CPQ: variants seen among roughly 807,000 people sequenced by gnomAD.
The protein encoded by CPQ is Ser-Met dipeptidase.
Under a neutral mutation model 45.7 loss-of-function variants are expected in CPQ, and 37 were observed. The ratio of observed to expected loss-of-function variants is 0.81; its 90% CI spans 0.62 to 1.07. The LOEUF (loss-of-function observed/expected upper bound fraction) is 1.07, where lower values mean the gene tolerates loss of function less well. Ranked by LOEUF, CPQ falls within the 50% of genes least tolerant of loss-of-function variation. The probability of loss-of-function intolerance (pLI) is 0.00; values close to 1 mark genes in which losing one functional copy is unlikely to be tolerated. For missense variants in CPQ, 537 were observed against 572.9 expected (o/e 0.94, Z 0.64); for synonymous variants, 186 against 205.8 (o/e 0.90, Z 0.82).
chr8:96,779,063 C>CAAAAA (rs561557208), intron 1 of CPQ, among the ~76,000 whole-genome samples: 5 of 57,014 alleles, frequency 8.8e-5, no homozygotes, highest in Admixed American at 3.8e-4. Context: ...ACTCCATCTC[C>CAAAAA]AAAAAAAAAA....
chr8:96,742,927 C>G (rs2130779945), intron 1 of CPQ, among the ~76,000 whole-genome samples: 1 of 152,182 alleles, frequency 6.6e-6, no homozygotes, highest in Middle Eastern at 3.4e-3. Flanking sequence ...TTCATTTCAA[C>G]TTTGGTGAAT....
chr8:96,648,443 A>C (rs549505981), intron 1 of CPQ, among the ~76,000 whole-genome samples: 1 of 152,306 alleles, frequency 6.6e-6, no homozygotes, highest in South Asian at 2.1e-4. Flanking sequence ...TGTTACAGTC[A>C]CATTATTAGT....
chr8:96,774,472 G>A (rs1380969541), intron 1 of CPQ, among the ~76,000 whole-genome samples: 1 of 152,136 alleles, frequency 6.6e-6, no homozygotes, highest in East Asian at 1.9e-4. Flanking sequence ...AAGGCAGTGA[G>A]ATGTGTGCAG....
At chr8:96,652,900 C>T (rs144067274) in intron 1 of CPQ, among the ~76,000 whole-genome samples, 1 of 152,204 alleles carries the variant, frequency 6.6e-6, no homozygotes, top group Non-Finnish European at 1.5e-5. Context: ...TCCCAAAGTA[C>T]TGGGATTACA....
At chr8:96,779,409 T>G (rs1372054785) in intron 1 of CPQ, among the ~76,000 whole-genome samples, 1 of 152,182 alleles carries the variant, frequency 6.6e-6, no homozygotes, top group East Asian at 1.9e-4. Flanking sequence ...GAGTTTCTAT[T>G]TCGTGTAAAT....
chr8:97,019,152 T>G (rs1246797935), intron 5 of CPQ, among the ~76,000 whole-genome samples: 1 of 152,140 alleles, frequency 6.6e-6, no homozygotes, highest in East Asian at 1.9e-4. Context: ...GAAAGAAAGA[T>G]ACAGCCTTTT....
chr8:96,742,585 T>G (rs959236647), intron 1 of CPQ, among the ~76,000 whole-genome samples: 17 of 152,296 alleles, frequency 1.1e-4, no homozygotes, highest in African/African-American at 4.1e-4. Context: ...GGTCTTTACA[T>G]TTTGGCATGA....
intron 2 of CPQ, among the ~76,000 whole-genome samples, chr8:96,810,588 A>G (rs1483808954): frequency 2.6e-5 from 4 of 152,246 alleles, no homozygotes; most frequent in Admixed American, 6.5e-5. Context: ...GTTCACACAC[A>G]TAAGTTATTA....
intron 5 of CPQ, among the ~76,000 whole-genome samples, chr8:96,972,468 TG>T (rs1212539493): frequency 2.0e-5 from 3 of 152,176 alleles, no homozygotes; most frequent in African/African-American, 7.2e-5. Context: ...GGGAGCTCTA[TG>T]GCCCTACCTA....
At chr8:96,806,718 A>G (rs1188667485) in intron 2 of CPQ, among the ~76,000 whole-genome samples, 2 of 152,236 alleles carry the variant, frequency 1.3e-5, no homozygotes, top group Admixed American at 1.3e-4. Context: ...ATGTATAGTG[A>G]AAGTATAAAT....
At chr8:97,019,880 C>G (rs776510464) in intron 5 of CPQ, among the ~76,000 whole-genome samples, 4 of 152,066 alleles carry the variant, frequency 2.6e-5, no homozygotes, top group Non-Finnish European at 5.9e-5. Context: ...ATAGACTTAA[C>G]AGATATTTAC....
At chr8:96,841,384 C>T (rs973876138) in intron 3 of CPQ, among the ~76,000 whole-genome samples, 13 of 152,124 alleles carry the variant, frequency 8.5e-5, no homozygotes, top group African/African-American at 3.1e-4. Flanking sequence ...CATGCGAGCT[C>T]AAGAATGCAA....
Position 97,005,167 on chromosome 8 carries a change from C to T in CPQ, c.962-24236C>T, listed in dbSNP as rs185801775. Reference sequence around the variant, plus strand: ...TGTGATCTCGGCTCACTGCAACCTCCGCCTCCCGGGTTCAAGCGGTTCTTC... The same window carrying T: ...TGTGATCTCGGCTCACTGCAACCTCTGCCTCCCGGGTTCAAGCGGTTCTTC... On this transcript the variant is annotated intron_variant, in intron 5 of 7. Coordinates refer to ENST00000220763, the MANE Select transcript of CPQ (RefSeq NM_016134.4). Among the ~76,000 whole-genome samples the T allele has an allele frequency of 4.8e-4, 73 of 150,810 alleles. 1 individual carries two copies. Among genetic ancestry groups the T allele is most frequent in the Admixed American group, 2.4e-3 (37 of 15,184 alleles).
At chr8:97,027,231 TTTA>T (rs1475105269) in intron 5 of CPQ, among the ~76,000 whole-genome samples, 1 of 152,136 alleles carries the variant, frequency 6.6e-6, no homozygotes. Context: ...CAGACAACAG[TTTA>T]TTAAGTTTGT....
intron 4 of CPQ, among the ~76,000 whole-genome samples, chr8:96,934,601 G>A (rs568705145): frequency 9.2e-4 from 140 of 152,230 alleles, no homozygotes; most frequent in African/African-American, 2.3e-3. Context: ...TAGTCTGTGC[G>A]ACCATTCATC....
At chr8:96,733,307 C>T (rs1426305332) in intron 1 of CPQ, among the ~76,000 whole-genome samples, 2 of 152,206 alleles carry the variant, frequency 1.3e-5, no homozygotes, top group Non-Finnish European at 2.9e-5. Flanking sequence ...AGATAAGACA[C>T]TGATGACATC....
At chr8:96,757,951 C>G (rs539247455) in intron 1 of CPQ, among the ~76,000 whole-genome samples, 2 of 152,210 alleles carry the variant, frequency 1.3e-5, no homozygotes, top group Non-Finnish European at 2.9e-5. Flanking sequence ...ACATTTTGCC[C>G]AGATTTAAAC....
At chr8:96,814,043 T>C (rs926497929) in intron 2 of CPQ, among the ~76,000 whole-genome samples, 2 of 152,042 alleles carry the variant, frequency 1.3e-5, no homozygotes, top group African/African-American at 4.8e-5. Context: ...CATATATATA[T>C]ATAGTTTCTT....
At chr8:96,706,334 T>C (rs553376393) in intron 1 of CPQ, among the ~76,000 whole-genome samples, 39 of 152,296 alleles carry the variant, frequency 2.6e-4, no homozygotes, top group Admixed American at 2.3e-3. Flanking sequence ...TTGCTTCTTA[T>C]ATTCCCTATA....
Sources: gnomAD v4.1 joint callset for allele counts (sites outside exome capture counted in the v4.1 genomes callset) on GRCh38, gnomAD v4.1.1 for gene constraint, MANE v1.5 for transcripts, NCBI Gene and HGNC (gene_info 2026-07-23, HGNC 2026-07-21) for gene names.